SEMA3A: variants seen among roughly 807,000 people sequenced by gnomAD.
The protein encoded by SEMA3A is semaphorin 3A.
A neutral mutation model predicts 97.9 loss-of-function variants in SEMA3A; 29 were observed. The observed-to-expected ratio is 0.30, with a 90% CI of 0.22 to 0.40. The LOEUF (loss-of-function observed/expected upper bound fraction) is 0.40, where lower values mean the gene tolerates loss of function less well. SEMA3A is among the 10% of genes least tolerant of loss of function. SEMA3A has a pLI of 1.00. For missense variants in SEMA3A, 763 were observed against 951.3 expected (o/e 0.80, Z 2.60); for synonymous variants, 321 against 323.7 (o/e 0.99, Z 0.09).
intron 3 of SEMA3A, among the ~76,000 whole-genome samples, chr7:84,277,872 G>A (rs1222647196): frequency 2.0e-5 from 3 of 152,008 alleles, no homozygotes; most frequent in Admixed American, 2.0e-4. Context: ...TTAGTATTTG[G>A]CTTCCTTTTT....
chr7:84,083,085 T>C (rs916433644), intron 4 of SEMA3A, among the ~76,000 whole-genome samples: 2 of 151,896 alleles, frequency 1.3e-5, no homozygotes, highest in African/African-American at 4.8e-5. Flanking sequence ...CCAAATTTGA[T>C]TGAAAACCAA....
At chr7:84,056,979 C>T (rs981653024) in intron 5 of SEMA3A, among the ~76,000 whole-genome samples, 12 of 152,270 alleles carry the variant, frequency 7.9e-5, no homozygotes, top group African/African-American at 2.6e-4. Flanking sequence ...GAAAGTAATA[C>T]TGCCATACCA....
intron 3 of SEMA3A, among the ~76,000 whole-genome samples, chr7:84,249,784 A>T (rs779872441): frequency 1.7e-5 from 2 of 118,536 alleles, no homozygotes; most frequent in Admixed American, 8.0e-5. Flanking sequence ...ATTCCTTTCT[A>T]AAAAAAAAAA....
At chr7:84,269,617 C>T (rs985748765) in intron 3 of SEMA3A, among the ~76,000 whole-genome samples, 2 of 152,084 alleles carry the variant, frequency 1.3e-5, no homozygotes, top group African/African-American at 4.8e-5. Flanking sequence ...ACAAGTCAAA[C>T]ATCTTGCTTC....
At chr7:84,164,645 C>T (rs1240545546) in intron 1 of SEMA3A, among the ~76,000 whole-genome samples, 1 of 152,048 alleles carries the variant, frequency 6.6e-6, no homozygotes, top group Non-Finnish European at 1.5e-5. Flanking sequence ...TTATTATTTC[C>T]AGTTTACAGT....
In SEMA3A at chr7:83,957,699, CTAA is replaced by C. The variant is rs1788324437; in HGVS notation, c.*3669_*3671del. The C allele has an allele frequency of 6.6e-6, 1 of 151,980 alleles. No individual in the cohort carries two copies. Among genetic ancestry groups the C allele is most frequent in the South Asian group, 2.1e-4 (1 of 4,830 alleles). The allele number at this position is 151,980 out of a possible 1,614,324, so 9.4% of individuals were successfully genotyped here. ...AGAAAATTTTTAGAGATCAAACAAA[CTAA>C]TGAGATTTTACAGATTTTTGAAAAA... On this transcript the variant is annotated 3_prime_UTR_variant, in exon 17 of 17. Coordinates refer to ENST00000265362, the MANE Select transcript of SEMA3A (RefSeq NM_006080.3).
At chr7:84,404,601 C>G (rs1251943993) in intron 1 of SEMA3A, among the ~76,000 whole-genome samples, 1 of 152,016 alleles carries the variant, frequency 6.6e-6, no homozygotes, top group Non-Finnish European at 1.5e-5. Flanking sequence ...GTCAGATTCA[C>G]CAAAGTTGAA....
chr7:84,471,443 T>C (rs1806144917), intron 1 of SEMA3A, among the ~76,000 whole-genome samples: 1 of 152,144 alleles, frequency 6.6e-6, no homozygotes, highest in Admixed American at 6.5e-5. Flanking sequence ...GCAAGATTTT[T>C]AATGAAATGT....
intron 15 of SEMA3A, among the ~76,000 whole-genome samples, chr7:83,970,557 T>C (rs974658990): frequency 2.0e-5 from 3 of 152,216 alleles, no homozygotes; most frequent in African/African-American, 7.2e-5. Flanking sequence ...AAGACAGAGA[T>C]GGATGAGGTT....
At chr7:84,337,311 T>C (rs1160038400) in intron 2 of SEMA3A, among the ~76,000 whole-genome samples, 1 of 152,176 alleles carries the variant, frequency 6.6e-6, no homozygotes, top group African/African-American at 2.4e-5. Flanking sequence ...CACATTTTTG[T>C]TGATGCATGT....
rs1244158474 is a variant in SEMA3A, at chr7:83,958,573, A to C, written c.*2798T>G. ...ACCACCTTGTCACCTGCGTGGGAAA[A>C]TCTTGCCTTTTAGGATGATGTTGAA... On this transcript the variant is annotated 3_prime_UTR_variant, in exon 17 of 17. Transcript: ENST00000265362. 6.6e-6 allele frequency: 1 copy of C among 152,436 alleles called. No homozygotes were observed. The highest frequency in any genetic ancestry group is 2.4e-5 in the African/African-American group (1 of 41,416). 9.4% of individuals were successfully genotyped at this position (152,436 alleles called of 1,614,324 possible). A position where few individuals can be genotyped will look rare whatever the true frequency, so the allele number is the denominator to read the frequency against.
chr7:83,973,636 T>C (rs1221569368), intron 15 of SEMA3A, among the ~76,000 whole-genome samples: 1 of 152,156 alleles, frequency 6.6e-6, no homozygotes, highest in African/African-American at 2.4e-5. Context: ...AAAGATGGCA[T>C]TGTCAAAGAC....
chr7:84,401,336 G>A (rs1396443091), intron 1 of SEMA3A, among the ~76,000 whole-genome samples: 5 of 151,962 alleles, frequency 3.3e-5, no homozygotes, highest in Non-Finnish European at 4.4e-5. Context: ...ATGATAAAAT[G>A]CTAACGAAAG....
In SEMA3A at chr7:84,176,540, A is replaced by G. The variant is rs17158706; in HGVS notation, c.112+17935T>C. Among the ~76,000 whole-genome samples, 1,676 of 152,292 alleles carry G rather than the reference A, an allele frequency of 0.011. 55 individuals are homozygous for G. In the East Asian group the frequency reaches 0.14, roughly 12 times the overall value. ...GTGCCAGATTAATGCCTATGAGTCT[A>G]TAACAGTGGCTTAAAAATCCCAAGG... On this transcript the variant is annotated intron_variant, in intron 1 of 16. Coordinates refer to ENST00000265362, the MANE Select transcript of SEMA3A (RefSeq NM_006080.3).
At chr7:84,308,544 C>T (rs1801224675) in intron 2 of SEMA3A, among the ~76,000 whole-genome samples, 1 of 152,032 alleles carries the variant, frequency 6.6e-6, no homozygotes, top group Non-Finnish European at 1.5e-5. Context: ...TTGGAATTGC[C>T]ATAATATATG....
chr7:84,280,353 G>A (rs1009586499), intron 3 of SEMA3A, among the ~76,000 whole-genome samples: 2 of 152,170 alleles, frequency 1.3e-5, no homozygotes, highest in Non-Finnish European at 2.9e-5. Context: ...ATGGCAGGAA[G>A]CTTGTTGTAA....
At chr7:84,284,054 T>G (rs1290583663) in intron 3 of SEMA3A, among the ~76,000 whole-genome samples, 4 of 152,184 alleles carry the variant, frequency 2.6e-5, no homozygotes, top group Admixed American at 6.5e-5. Context: ...ATGAAGCTGT[T>G]ATGGTTATCA....
In SEMA3A at chr7:84,355,818, C is replaced by T. The variant is rs1308471512; in HGVS notation, c.-169+16006G>A. Among the ~76,000 whole-genome samples the T allele has an allele frequency of 2.0e-5, 3 of 151,674 alleles. 1 individual carries two copies. Among genetic ancestry groups the T allele is most frequent in the South Asian group, 4.1e-4 (2 of 4,820 alleles). Reference sequence around the variant, plus strand: ...CCTGAGTTAATGTTGTAATAAAAGACCGAGAAGAAAAGATCTATTTGTAAG... The same window carrying T: ...CCTGAGTTAATGTTGTAATAAAAGATCGAGAAGAAAAGATCTATTTGTAAG... On this transcript the variant is annotated intron_variant, in intron 2 of 3. Coordinates refer to the SEMA3A transcript ENST00000424555.
intron 6 of SEMA3A, among the ~76,000 whole-genome samples, chr7:84,031,379 G>T (rs1164254891): frequency 2.0e-5 from 3 of 152,056 alleles, no homozygotes; most frequent in African/African-American, 7.2e-5. Context: ...GCTCTAAAAT[G>T]CTTCTTAAAG....
Sources: allele counts gnomAD v4.1 joint callset (sites outside exome capture counted in the v4.1 genomes callset), GRCh38; gene constraint gnomAD v4.1.1; transcripts MANE v1.5; gene names NCBI Gene and HGNC (gene_info 2026-07-23, HGNC 2026-07-21).